The following REDIC1 variants were observed in gnomAD, a reference collection of about 807,000 sequenced individuals.
REDIC1 encodes HEI10 Interacting Protein 1.
chr12:39,784,836 C>CA, the REDIC1 span, among the ~76,000 whole-genome samples: 1 of 152,136 alleles, frequency 6.6e-6, no homozygotes, highest in Non-Finnish European at 1.5e-5. Context: ...TATGTTTTAG[C>CA]AAGAGACTGG....
At chr12:39,743,090 G>A in the REDIC1 span, among the ~76,000 whole-genome samples, 2 of 152,056 alleles carry the variant, frequency 1.3e-5, no homozygotes, top group African/African-American at 2.4e-5. Flanking sequence ...CTCTGGTAGC[G>A]GGGAAGAGAC....
At chr12:39,893,605 G>A in the REDIC1 span, among the ~76,000 whole-genome samples, 3 of 152,196 alleles carry the variant, frequency 2.0e-5, no homozygotes, top group East Asian at 3.9e-4. Context: ...CAGGCCTACC[G>A]CTCTTTTCTA....
At chr12:39,816,152 T>C in the REDIC1 span, among the ~76,000 whole-genome samples, 1 of 152,192 alleles carries the variant, frequency 6.6e-6, no homozygotes, top group Non-Finnish European at 1.5e-5. Flanking sequence ...TTAAGTTTTG[T>C]GAACTTGGGG....
At chr12:39,736,719 C>G in the REDIC1 span, 1 of 152,158 alleles carries the variant, frequency 6.6e-6, no homozygotes. Context: ...GGACACATGC[C>G]GTGGGTATCC....
chr12:39,732,959 A>T, the REDIC1 span, among the ~76,000 whole-genome samples: 1 of 152,016 alleles, frequency 6.6e-6, no homozygotes, highest in Non-Finnish European at 1.5e-5. Flanking sequence ...TTCTCCAAGA[A>T]GTCTTCATTT....
chr12:39,788,972 C>T, the REDIC1 span, among the ~76,000 whole-genome samples: 1 of 151,980 alleles, frequency 6.6e-6, no homozygotes, highest in Admixed American at 6.6e-5. Context: ...CAAACAAAAT[C>T]GGATTGATGC....
the REDIC1 span, among the ~76,000 whole-genome samples, chr12:39,810,217 G>A: frequency 3.4e-3 from 523 of 152,082 alleles, 3 homozygotes; most frequent in African/African-American, 0.012. Context: ...AATTTCACTC[G>A]GTAATATTTT....
chr12:39,725,752 A>G, the REDIC1 span, among the ~76,000 whole-genome samples: 2 of 151,318 alleles, frequency 1.3e-5, no homozygotes, highest in African/African-American at 2.4e-5. Flanking sequence ...TGTATAATAT[A>G]TATAATAACC....
At chr12:39,681,903 T>C in the REDIC1 span, among the ~76,000 whole-genome samples, 1 of 152,192 alleles carries the variant, frequency 6.6e-6, no homozygotes, top group Non-Finnish European at 1.5e-5. Context: ...CACTTCCAAA[T>C]AAATTTGTAG....
chr12:39,745,879 A>G, the REDIC1 span: 1 of 152,204 alleles, frequency 6.6e-6, no homozygotes, highest in African/African-American at 2.4e-5. Context: ...AACTTCCGCT[A>G]TTCCTTTGCT....
chr12:39,895,408 T>C, the REDIC1 span, among the ~76,000 whole-genome samples: 8 of 145,694 alleles, frequency 5.5e-5, no homozygotes, highest in African/African-American at 2.0e-4. Context: ...GAGAATGGCC[T>C]GAACCTGGGA....
chr12:39,726,628 G>A, the REDIC1 span, among the ~76,000 whole-genome samples: 1 of 152,118 alleles, frequency 6.6e-6, no homozygotes, highest in African/African-American at 2.4e-5. Flanking sequence ...AAACACACAT[G>A]TGCATGTGTC....
At chr12:39,790,561 A>C in the REDIC1 span, among the ~76,000 whole-genome samples, 1 of 147,550 alleles carries the variant, frequency 6.8e-6, no homozygotes, top group Non-Finnish European at 1.5e-5. Flanking sequence ...ATCCTTTTTT[A>C]TGGCTGCATA....
At chr12:39,714,199 G>A in the REDIC1 span, among the ~76,000 whole-genome samples, 4 of 14,812 alleles carry the variant, frequency 2.7e-4, no homozygotes, top group African/African-American at 5.2e-4. Context: ...ATGTATATAT[G>A]TATATACATG....
chr12:39,871,858 C>T, the REDIC1 span: 1 of 1,612,678 alleles, frequency 6.2e-7, no homozygotes, highest in African/African-American at 1.3e-5. Context: ...CAGACTCCCA[C>T]AAGTGTGAAA....
chr12:39,879,662 C>T, the REDIC1 span, among the ~76,000 whole-genome samples: 1 of 152,218 alleles, frequency 6.6e-6, no homozygotes, highest in Non-Finnish European at 1.5e-5. Flanking sequence ...CCTATACCCC[C>T]AGTGTATCTT....
chr12:39,904,591 G>A, the REDIC1 span, among the ~76,000 whole-genome samples: 1 of 151,944 alleles, frequency 6.6e-6, no homozygotes, highest in Non-Finnish European at 1.5e-5. Flanking sequence ...TTGTTTACTG[G>A]ACTGGATATC....
At chr12:39,821,972 GGTTA>G in the REDIC1 span, among the ~76,000 whole-genome samples, 3 of 151,936 alleles carry the variant, frequency 2.0e-5, no homozygotes, top group Non-Finnish European at 2.9e-5. Context: ...ACAATGTGCA[GGTTA>G]GTTACATATG....
the REDIC1 span, among the ~76,000 whole-genome samples, chr12:39,743,833 A>G: frequency 6.6e-6 from 1 of 152,214 alleles, no homozygotes; most frequent in Non-Finnish European, 1.5e-5. Context: ...CATAATCTCT[A>G]AGAACTGTGG....
Sources: gnomAD v4.1 joint callset for allele counts (sites outside exome capture counted in the v4.1 genomes callset) on GRCh38, gnomAD v4.1.1 for gene constraint, MANE v1.5 for transcripts, NCBI Gene and HGNC (gene_info 2026-07-23, HGNC 2026-07-21) for gene names.